Variants in XRCC5 observed in about 807,000 individuals in gnomAD.
The protein encoded by XRCC5 is X-ray repair cross complementing 5.
XRCC5 carries 12 observed loss-of-function variants against 95.7 expected under a neutral mutation model. The observed-to-expected ratio is 0.13, with a 90% CI of 0.08 to 0.20. XRCC5 has a LOEUF of 0.20. Ranked by LOEUF, XRCC5 falls within the 10% of genes least tolerant of loss-of-function variation. The pLI is 1.00. For synonymous variants in XRCC5, 281 were observed against 290.3 expected (o/e 0.97, Z 0.33); for missense variants, 595 against 873.9 (o/e 0.68, Z 4.02).
intron 19 of XRCC5, among the ~76,000 whole-genome samples, chr2:216,198,548 T>TATTTATTG: frequency 8.3e-6 from 1 of 120,426 alleles, no homozygotes; most frequent in Non-Finnish European, 1.9e-5. Context: ...TTTATTTATT[T>TATTTATTG]ATTTATTTAT....
chr2:216,195,938 G>T (rs957473661), intron 19 of XRCC5, among the ~76,000 whole-genome samples: 1 of 152,108 alleles, frequency 6.6e-6, no homozygotes, highest in Admixed American at 6.5e-5. Flanking sequence ...CCCTCTAGAA[G>T]CTCGGGCAGT....
chr2:216,120,215 G>T (rs2106002928), intron 5 of XRCC5, among the ~76,000 whole-genome samples: 1 of 152,272 alleles, frequency 6.6e-6, no homozygotes, highest in South Asian at 2.1e-4. Flanking sequence ...CTGAGTTGAG[G>T]TTTTTCTCAG....
At chr2:216,148,009 A>T (rs1186533368) in intron 13 of XRCC5, 74 bp from the exon 14 acceptor site, 11 of 1,474,544 alleles carry the variant, frequency 7.5e-6, no homozygotes, top group Non-Finnish European at 1.0e-5. Context: ...AAGATGGAGG[A>T]TCCCTGATCA....
chr2:216,118,752 T>C (rs1038856931), intron 4 of XRCC5, among the ~76,000 whole-genome samples: 1 of 152,262 alleles, frequency 6.6e-6, no homozygotes, highest in Non-Finnish European at 1.5e-5. Context: ...GTTTACATTC[T>C]GCCTATGTGG....
At chr2:216,204,272 A>G in intron 19 of XRCC5, 50 bp from the exon 20 acceptor site, 1 of 1,610,642 alleles carries the variant, frequency 6.2e-7, no homozygotes, top group Non-Finnish European at 8.5e-7. Context: ...TCCCTCTTTC[A>G]AAGGGGCAAA....
chr2:216,120,892 C>T (rs41299756), intron 5 of XRCC5, among the ~76,000 whole-genome samples: 14,075 of 152,104 alleles, frequency 0.093, 2,130 homozygotes, highest in African/African-American at 0.32. Context: ...TGTGCCACCA[C>T]GCCCGGCTAA....
intron 16 of XRCC5, among the ~76,000 whole-genome samples, chr2:216,188,942 G>A (rs565675516): frequency 6.6e-6 from 1 of 152,302 alleles, no homozygotes; most frequent in African/African-American, 2.4e-5. Context: ...CATAATCTCC[G>A]AGTTGGTAGA....
intron 16 of XRCC5, among the ~76,000 whole-genome samples, chr2:216,179,699 C>G (rs1364560204): frequency 6.6e-6 from 1 of 152,144 alleles, no homozygotes; most frequent in Non-Finnish European, 1.5e-5. Flanking sequence ...GTCCGTGTGA[C>G]TGGAGCAAAG....
At chr2:216,140,095 G>A (rs965322067) in intron 12 of XRCC5, among the ~76,000 whole-genome samples, 1 of 152,208 alleles carries the variant, frequency 6.6e-6, no homozygotes, top group Non-Finnish European at 1.5e-5. Context: ...CTGTTGCTGG[G>A]AGGGCCTTGA....
chr2:216,201,093 T>C (rs557369133), intron 19 of XRCC5, among the ~76,000 whole-genome samples: 1 of 152,318 alleles, frequency 6.6e-6, no homozygotes, highest in East Asian at 1.9e-4. Flanking sequence ...AAATTAGTTA[T>C]GAAAAGGTCA....
chr2:216,144,111 T>A (rs1054402341), intron 13 of XRCC5, among the ~76,000 whole-genome samples: 2 of 152,016 alleles, frequency 1.3e-5, no homozygotes, highest in Admixed American at 1.3e-4. Flanking sequence ...ACCATGAGAA[T>A]AAGAAGAAAA....
intron 16 of XRCC5, among the ~76,000 whole-genome samples, chr2:216,172,253 A>G (rs1177348351): frequency 6.6e-6 from 1 of 152,178 alleles, no homozygotes; most frequent in Non-Finnish European, 1.5e-5. Flanking sequence ...ACAAGCTAGC[A>G]ATGCAGTGGA....
rs1021343861 is a variant in XRCC5 at position 216,153,765 on chromosome 2, C to T, written c.1670+5489C>T. ...GAGCTTGTACTTCAAACTGTAATGC[C>T]ACTTTGCCTTAGCAATGCATGTCCC... is the stretch of plus-strand genomic sequence containing the variant. On this transcript the variant is annotated intron_variant, in intron 14 of 20. Transcript: ENST00000392132. Among the ~76,000 whole-genome samples the T allele has an allele frequency of 1.8e-4, 27 of 152,192 alleles. 1 individual carries two copies. Among genetic ancestry groups the T allele is most frequent in the African/African-American group, 6.5e-4 (27 of 41,438 alleles).
At chr2:216,185,957 A>G (rs2106043509) in intron 16 of XRCC5, among the ~76,000 whole-genome samples, 1 of 152,348 alleles carries the variant, frequency 6.6e-6, no homozygotes. Context: ...AAATTTATTT[A>G]ACTGCTGACA....
intron 13 of XRCC5, among the ~76,000 whole-genome samples, chr2:216,147,047 TATAAA>T (rs1336740566): frequency 6.7e-6 from 1 of 149,232 alleles, no homozygotes; most frequent in African/African-American, 2.5e-5. Flanking sequence ...CTATAAAAAA[TATAAA>T]ATAAGGGAAG....
chr2:216,115,501 C>T (rs1696679490), intron 2 of XRCC5, among the ~76,000 whole-genome samples: 1 of 151,926 alleles, frequency 6.6e-6, no homozygotes, highest in African/African-American at 2.4e-5. Context: ...CAGCAGCAGG[C>T]ACCCAGACAC....
chr2:216,191,829 G>A lies in XRCC5; in HGVS notation c.1945-810G>A, dbSNP rs200940918. 9.2e-5 allele frequency among the ~76,000 whole-genome samples: 14 copies of A among 152,224 alleles called. No homozygotes were observed. In the East Asian group the frequency reaches 2.7e-3, roughly 29 times the overall value. ...TACTAATTTTTTATGTGGTGTTAAT[G>A]GCATGTGAGTGTTTGTTTTAAAAGA... On this transcript the variant is annotated intron_variant, in intron 17 of 20. Coordinates refer to ENST00000392132, the MANE Select transcript of XRCC5 (RefSeq NM_021141.4).
rs572003779 is a variant in XRCC5 at position 216,180,671 on chromosome 2, G to A, written c.1835-9554G>A. Among the ~76,000 whole-genome samples, 8 of 152,246 alleles carry A rather than the reference G, an allele frequency of 5.3e-5. No individual in the cohort carries two copies. The East Asian group carries it at 1.5e-3, about 29-fold the overall frequency. On this transcript the variant is annotated intron_variant, in intron 16 of 20. Coordinates refer to ENST00000392132, the MANE Select transcript of XRCC5 (RefSeq NM_021141.4). ...GGTTGGCATAACCTGGTCCATTATG[G>A]TAAAGGTGGATAGGAGAGGGCCCAA...
In XRCC5 at chr2:216,202,264, G is replaced by T. The variant is rs1406649890; in HGVS notation, c.2110-2058G>T. 3.3e-5 allele frequency among the ~76,000 whole-genome samples: 5 copies of T among 152,258 alleles called. No homozygotes were observed. In the East Asian group the frequency reaches 7.7e-4, roughly 24 times the overall value. On this transcript the variant is annotated intron_variant, in intron 19 of 20. Transcript: ENST00000392132. ...ACTGTTTATTCTCTTGCCCCAACTG[G>T]ATAAGTCTTATCCTGTAGCCATATA...
Sources: allele counts gnomAD v4.1 joint callset (sites outside exome capture counted in the v4.1 genomes callset), GRCh38; gene constraint gnomAD v4.1.1; transcripts MANE v1.5; gene names NCBI Gene and HGNC (gene_info 2026-07-23, HGNC 2026-07-21).